SUMF2: variants seen among roughly 807,000 people sequenced by gnomAD.
SUMF2 encodes sulfatase modifying factor 2, also known as inactive C-alpha-formylglycine-generating enzyme 2.
A neutral mutation model predicts 44.8 loss-of-function variants in SUMF2; 45 were observed. That is an observed-to-expected ratio of 1.00 (90% CI 0.79 to 1.29). The LOEUF (loss-of-function observed/expected upper bound fraction) is 1.29, where lower values mean the gene tolerates loss of function less well. SUMF2 is among the 50% of genes most tolerant of loss of function. The pLI, the probability that SUMF2 is intolerant of heterozygous loss-of-function variation, is 0.00. For missense variants in SUMF2, 418 were observed against 389.9 expected (o/e 1.07, Z -0.61); for synonymous variants, 148 against 150.4 (o/e 0.98, Z 0.12).
At chr7:56,074,027 A>AG in intron 3 of SUMF2, 147 bp from the exon 4 acceptor site, 1 of 563,432 alleles carries the variant, frequency 1.8e-6, no homozygotes, top group East Asian at 3.3e-5. Flanking sequence ...AAAAAAAAAA[A>AG]AAAAAAAAAA....
chr7:56,081,468 C>T (rs1335794911), downstream of SUMF2, among the ~76,000 whole-genome samples: 2 of 152,140 alleles, frequency 1.3e-5, no homozygotes, highest in Non-Finnish European at 2.9e-5. This position sits in a 1 kb window ranked among gnomAD's most constrained non-coding sequence, Gnocchi z 4.6. Context: ...GGGACCGAGC[C>T]AGTGGGCTGA....
chr7:56,076,979 C>T, intron 6 of SUMF2, 90 bp downstream of exon 6: 1 of 1,296,044 alleles, frequency 7.7e-7, no homozygotes, highest in Non-Finnish European at 1.1e-6. Context: ...ATCCAGAAGG[C>T]TTGGGTTCTA....
chr7:56,076,705 C>A, intron 5 of SUMF2, 129 bp from the exon 6 acceptor site: 1 of 802,282 alleles, frequency 1.2e-6, no homozygotes, highest in Non-Finnish European at 2.0e-6. Context: ...CAAATAAAAG[C>A]AGGTCATTCA....
Position 56,073,025 on chromosome 7 carries a change from A to T in SUMF2, c.253A>T (p.Thr85Ser). The T allele has an allele frequency of 1.2e-6, 2 of 1,614,150 alleles. No individual in the cohort carries two copies. Among genetic ancestry groups the T allele is most frequent in the Non-Finnish European group, 1.7e-6 (2 of 1,180,006 alleles). Reference protein sequence around the residue: ...RDFVREKKYRTEAEMFGWSFV... With the variant: ...RDFVREKKYRSEAEMFGWSFV... ...TTTTGTCAGGGAGAAAAAGTATCGG[A>T]CAGAAGCTGAGATGTTTGGATGGAG... Residue 85 changes from threonine to serine, a missense_variant, in exon 3 of 9, where the codon ACA (threonine) becomes TCA (serine). Transcript: ENST00000434526.
chr7:56,080,061 T>C lies in SUMF2; in HGVS notation c.*449T>C. On this transcript the variant is annotated 3_prime_UTR_variant, in exon 9 of 9. Transcript: ENST00000434526. Reference sequence around the variant, plus strand: ...CTGTGGAAGGAGAATGCTTTCTTTGTGGCCTCATCTGTGGTTTCGTGTCCC... The same window carrying C: ...CTGTGGAAGGAGAATGCTTTCTTTGCGGCCTCATCTGTGGTTTCGTGTCCC... 1.6e-6 allele frequency: 1 copy of C among 613,324 alleles called. No individual in the cohort carries two copies. Among genetic ancestry groups the C allele is most frequent in the Middle Eastern group, 4.1e-4 (1 of 2,462 alleles). 38.0% of individuals were successfully genotyped at this position (613,324 alleles called of 1,614,324 possible). A position where few individuals can be genotyped will look rare whatever the true frequency, so the allele number is the denominator to read the frequency against.
intron 1 of SUMF2, among the ~76,000 whole-genome samples, chr7:56,067,895 A>C (rs1488253299): frequency 3.8e-4 from 47 of 123,846 alleles, no homozygotes; most frequent in African/African-American, 1.2e-3. Flanking sequence ...TCCTGTCACG[A>C]AAAAAAAAAA....
At chr7:56,082,476 C>G (rs370685839), downstream of SUMF2, among the ~76,000 whole-genome samples, 1 of 151,778 alleles carries the variant, frequency 6.6e-6, no homozygotes, top group Non-Finnish European at 1.5e-5. Flanking sequence ...GCCTGTAGTC[C>G]CAGCTACTCA....
At position 56,072,903 on chromosome 7, in the gene SUMF2, A is replaced by T. The variant is rs994405026; in HGVS notation, c.225-94A>T. On this transcript the variant is annotated intron_variant, in intron 2 of 8. Coordinates refer to ENST00000434526, the MANE Select transcript of SUMF2 (RefSeq NM_015411.4). ...ATGAACACTCTGTGGTGTATAACTTACAGGACAGGGATATCTGAAGTTTCC... is the reference window on the plus strand; with the variant it reads ...ATGAACACTCTGTGGTGTATAACTTTCAGGACAGGGATATCTGAAGTTTCC... The T allele has an allele frequency of 3.6e-6, 3 of 824,604 alleles. No homozygotes were observed. The African/African-American group carries it at 5.1e-5, about 14-fold the overall frequency. 51.1% of individuals were successfully genotyped at this position (824,604 alleles called of 1,614,324 possible).
At chr7:56,066,082 C>CAAA (rs71015176) in intron 1 of SUMF2, among the ~76,000 whole-genome samples, 1,271 of 67,600 alleles carry the variant, frequency 0.019, 8 homozygotes, top group South Asian at 0.028. Context: ...CTCCGCCTCA[C>CAAA]AAAAAAAAAA....
chr7:56,068,400 T>G lies in SUMF2; in HGVS notation c.68-82T>G, dbSNP rs1466711118. 7 of 1,313,580 alleles carry G rather than the reference T, an allele frequency of 5.3e-6. No homozygotes were observed. The African/African-American group carries it at 1.0e-4, about 20-fold the overall frequency. The allele number at this position is 1,313,580 out of a possible 1,614,324, so 81.4% of individuals were successfully genotyped here. On this transcript the variant is annotated intron_variant, in intron 1 of 8. Transcript: ENST00000434526. Reference sequence around the variant, plus strand: ...TTTGTTGTGTTTTGTTATACCATCATGAGTATTGCATATGATCCAAATATT... The same window carrying G: ...TTTGTTGTGTTTTGTTATACCATCAGGAGTATTGCATATGATCCAAATATT...
At chr7:56,073,736 C>T (rs773109528) in intron 3 of SUMF2, 6 of 183,894 alleles carry the variant, frequency 3.3e-5, no homozygotes, top group East Asian at 1.5e-4. Flanking sequence ...CTCAGCTGGG[C>T]GCAGCAGCTC....
intron 2 of SUMF2, among the ~76,000 whole-genome samples, chr7:56,070,129 G>A (rs903156968): frequency 6.6e-6 from 1 of 151,896 alleles, no homozygotes; most frequent in Non-Finnish European, 1.5e-5. Flanking sequence ...GGCTGGTCTT[G>A]AACTCTTGAC....
intron 5 of SUMF2, among the ~76,000 whole-genome samples, chr7:56,075,900 C>T (rs1328556486): frequency 4.6e-5 from 7 of 151,988 alleles, no homozygotes; most frequent in African/African-American, 7.2e-5. Flanking sequence ...CTAGCTCTGT[C>T]GCCCAAGGCT....
At chr7:56,071,814 A>AAATAAATAAATG (rs1562863149) in intron 2 of SUMF2, among the ~76,000 whole-genome samples, 1 of 150,452 alleles carries the variant, frequency 6.6e-6, no homozygotes, top group Non-Finnish European at 1.5e-5. Flanking sequence ...ATAAATAAAT[A>AAATAAATAAATG]ATTAAATAAA....
At chr7:56,081,710 C>T, downstream of SUMF2, 2 of 1,614,022 alleles carry the variant, frequency 1.2e-6, no homozygotes, top group East Asian at 2.2e-5. This position sits in a 1 kb window ranked among gnomAD's most constrained non-coding sequence, Gnocchi z 4.6. Context: ...AAGGCCTCTT[C>T]CGCTGTGTAG....
At chr7:56,068,833 G>A (rs1341322410) in intron 2 of SUMF2, among the ~76,000 whole-genome samples, 195 bp downstream of exon 2, 1 of 151,482 alleles carries the variant, frequency 6.6e-6, no homozygotes, top group Non-Finnish European at 1.5e-5. Flanking sequence ...CTGCCGAGCA[G>A]CTGGAATTAC....
intron 5 of SUMF2, among the ~76,000 whole-genome samples, chr7:56,076,343 G>A (rs1397407122): frequency 6.6e-6 from 1 of 151,780 alleles, no homozygotes; most frequent in Non-Finnish European, 1.5e-5. Context: ...TGTATTTTTA[G>A]TAGAGACAGG....
At chr7:56,080,732 ACT>A (rs1562874717), downstream of SUMF2, 1 of 373,052 alleles carries the variant, frequency 2.7e-6, no homozygotes, top group Non-Finnish European at 5.0e-6. Flanking sequence ...AGTGTCAGTA[ACT>A]CTGGGCCTCC....
intron 5 of SUMF2, among the ~76,000 whole-genome samples, chr7:56,075,737 G>A (rs1195314486): frequency 1.3e-5 from 2 of 151,402 alleles, no homozygotes; most frequent in Admixed American, 6.6e-5. Flanking sequence ...CTCCTAACTC[G>A]GTCATTTGTC....
Sources: gnomAD v4.1 joint callset for allele counts (sites outside exome capture counted in the v4.1 genomes callset) on GRCh38, gnomAD v4.1.1 for gene constraint, Gnocchi (gnomAD v3.1) non-coding constraint, MANE v1.5 for transcripts, NCBI Gene and HGNC (gene_info 2026-07-23, HGNC 2026-07-21) for gene names.